Variants in NFX1 observed in about 807,000 individuals in gnomAD.
NFX1 encodes nuclear transcription factor, X-box binding 1.
Under a neutral mutation model 137.2 loss-of-function variants are expected in NFX1, and 69 were observed. That is an observed-to-expected ratio of 0.50 (90% CI 0.41 to 0.61). The LOEUF is 0.61. Ranked by LOEUF, NFX1 falls within the 20% of genes least tolerant of loss-of-function variation. The pLI is 0.00. For missense variants in NFX1, 1,167 were observed against 1,391.0 expected, an observed-to-expected ratio of 0.84 and a Z score of 2.56; for synonymous variants, 495 against 474.1, an observed-to-expected ratio of 1.04 and a Z score of -0.57.
intron 11 of NFX1, among the ~76,000 whole-genome samples, chr9:33,334,702 A>G (rs1358711429): frequency 6.6e-6 from 1 of 152,130 alleles, no homozygotes; most frequent in African/African-American, 2.4e-5. Context: ...CCTCACTAAT[A>G]TCTCAAAGAC....
At chr9:33,308,083 G>A (rs1470244645) in intron 5 of NFX1, among the ~76,000 whole-genome samples, 1 of 152,022 alleles carries the variant, frequency 6.6e-6, no homozygotes, top group Non-Finnish European at 1.5e-5. Flanking sequence ...AGGATTACTG[G>A]TGTGAGCCAC....
chr9:33,337,590 C>T (rs1823053954), intron 11 of NFX1, among the ~76,000 whole-genome samples: 1 of 152,104 alleles, frequency 6.6e-6, no homozygotes. Context: ...TTCAGCTGGG[C>T]AGAGTGGCTT....
At chr9:33,361,926 C>A (rs1299710697) in intron 19 of NFX1, among the ~76,000 whole-genome samples, 1 of 152,022 alleles carries the variant, frequency 6.6e-6, no homozygotes, top group Non-Finnish European at 1.5e-5. Flanking sequence ...AGTTCAAGAC[C>A]AGCCTGGGCG....
chr9:33,291,717 C>T (rs547344876), intron 1 of NFX1, among the ~76,000 whole-genome samples: 1 of 152,320 alleles, frequency 6.6e-6, no homozygotes, highest in East Asian at 1.9e-4. Context: ...TCCTGGCTAA[C>T]ACGGTGAAAC....
At position 33,303,305 on chromosome 9, in the gene NFX1, A is replaced by G. The variant is rs1164687308; in HGVS notation, c.1270+37A>G. The G allele has an allele frequency of 7.7e-6, 12 of 1,551,406 alleles. No homozygotes were observed. The Admixed American group carries it at 1.8e-4, about 24-fold the overall frequency. ...TATATACACTGGAGTCTCTTTTACT[A>G]CATACATTGTACCTCAGTTCAGGAA... On this transcript the variant is annotated intron_variant, in intron 4 of 23. Coordinates refer to ENST00000379540, the MANE Select transcript of NFX1 (RefSeq NM_002504.6).
intron 14 of NFX1, among the ~76,000 whole-genome samples, chr9:33,345,074 A>G (rs1823367425): frequency 6.6e-6 from 1 of 152,036 alleles, no homozygotes; most frequent in Non-Finnish European, 1.5e-5. Context: ...AGGCAGGAGA[A>G]TTGTTTGAAT....
intron 18 of NFX1, 57 bp downstream of exon 18, chr9:33,354,244 G>T: frequency 7.5e-7 from 1 of 1,337,334 alleles, no homozygotes; most frequent in Non-Finnish European, 1.1e-6. Flanking sequence ...TCAATTAGAG[G>T]GCAGAGATTA....
chr9:33,291,232 A>G (rs961984438), intron 1 of NFX1, among the ~76,000 whole-genome samples: 1 of 152,224 alleles, frequency 6.6e-6, no homozygotes, highest in African/African-American at 2.4e-5. Flanking sequence ...AGGGTGTTCC[A>G]TAGATCAGTG....
chr9:33,339,463 G>C (rs1360659226), intron 12 of NFX1, among the ~76,000 whole-genome samples: 1 of 152,144 alleles, frequency 6.6e-6, no homozygotes, highest in Non-Finnish European at 1.5e-5. Flanking sequence ...CTCCCACCAG[G>C]TCCCTCCCAC....
chr9:33,303,345 G>A (rs576114166), intron 4 of NFX1, 77 bp downstream of exon 4: 1,001 of 1,259,064 alleles, frequency 8.0e-4, no homozygotes, highest in Middle Eastern at 1.3e-3. Context: ...GGTCTGCGGG[G>A]CATGTTTTAG....
At chr9:33,317,950 T>C (rs1822232784) in intron 7 of NFX1, among the ~76,000 whole-genome samples, 1 of 106,484 alleles carries the variant, frequency 9.4e-6, no homozygotes, top group South Asian at 3.3e-4. Flanking sequence ...CACTCCAGCC[T>C]GGGCAAGAGT....
At chr9:33,326,506 G>A (rs1042272944) in intron 9 of NFX1, among the ~76,000 whole-genome samples, 10 of 151,710 alleles carry the variant, frequency 6.6e-5, no homozygotes, top group African/African-American at 1.9e-4. Context: ...ATCACTTGAG[G>A]CTAGGAGTTC....
chr9:33,303,075 C>G, intron 3 of NFX1, 116 bp from the exon 4 acceptor site: 1 of 566,600 alleles, frequency 1.8e-6, no homozygotes, highest in Non-Finnish European at 3.2e-6. Flanking sequence ...ATATGCTTAA[C>G]ATTGAAATTA....
At chr9:33,332,044 C>T (rs1355703071) in intron 10 of NFX1, among the ~76,000 whole-genome samples, 4 of 151,450 alleles carry the variant, frequency 2.6e-5, no homozygotes, top group Non-Finnish European at 5.9e-5. Flanking sequence ...TGTGTAGAGC[C>T]GTTTGTCCCT....
rs749569134 is a variant in NFX1 at position 33,301,455 on chromosome 9, C to T, written c.1192+34C>T. 11 of 1,599,460 alleles carry T rather than the reference C, an allele frequency of 6.9e-6. No homozygotes were observed. In the African/African-American group the frequency reaches 1.5e-4, roughly 22 times the overall value. On this transcript the variant is annotated intron_variant, in intron 3 of 23. Transcript: ENST00000379540. The stretch of plus-strand genomic sequence containing the variant: ...ATTCTCTCTTCTGAGTAGTTATTCT[C>T]CCCTATTTGATACGTTTAAGTATTA...
At chr9:33,312,101 G>T (rs1821983453) in intron 6 of NFX1, among the ~76,000 whole-genome samples, 3 of 152,174 alleles carry the variant, frequency 2.0e-5, no homozygotes, top group Admixed American at 2.0e-4. Flanking sequence ...GGCCCAGTAA[G>T]ATCTTAAAAT....
At chr9:33,297,911 C>A (rs372813084) in intron 2 of NFX1, among the ~76,000 whole-genome samples, 62 of 152,222 alleles carry the variant, frequency 4.1e-4, no homozygotes, top group African/African-American at 1.4e-3. Flanking sequence ...GGTATGCATA[C>A]CAGGGAGGTG....
intron 2 of NFX1, among the ~76,000 whole-genome samples, chr9:33,297,771 T>C (rs902124215): frequency 1.3e-5 from 2 of 152,206 alleles, no homozygotes; most frequent in Non-Finnish European, 2.9e-5. Context: ...GTTTGCTTCT[T>C]TGAGGCCTGC....
chr9:33,350,303 C>CA (rs35938162), intron 15 of NFX1, among the ~76,000 whole-genome samples: 2,741 of 52,562 alleles, frequency 0.052, 39 homozygotes, highest in Middle Eastern at 0.11. Flanking sequence ...GACTCCATCT[C>CA]AAAAAAAAAA....
Sources: allele counts gnomAD v4.1 joint callset (sites outside exome capture counted in the v4.1 genomes callset), GRCh38; gene constraint gnomAD v4.1.1; transcripts MANE v1.5; gene names NCBI Gene and HGNC (gene_info 2026-07-23, HGNC 2026-07-21).